Variants in GRIN3A observed in about 807,000 individuals in gnomAD.
GRIN3A encodes glutamate receptor ionotropic, NMDA 3A.
In GRIN3A, 47 loss-of-function variants were observed where a neutral mutation model predicts 92.4. The observed-to-expected ratio is 0.51, with a 90% confidence interval of 0.40 to 0.65. The LOEUF is 0.65. GRIN3A is among the 30% of genes least tolerant of loss of function. The pLI is 0.00. For synonymous variants in GRIN3A, 527 were observed against 540.6 expected (o/e 0.97, Z 0.35); for missense variants, 1,324 against 1,393.1 (o/e 0.95, Z 0.79).
chr9:101,724,729 T>G (rs1465624123), intron 1 of GRIN3A, among the ~76,000 whole-genome samples: 1 of 152,242 alleles, frequency 6.6e-6, no homozygotes, highest in African/African-American at 2.4e-5. Context: ...TGATTTTGCT[T>G]TCTCCTCATT....
intron 5 of GRIN3A, among the ~76,000 whole-genome samples, chr9:101,617,060 C>CGTG (rs1828467146): frequency 2.0e-5 from 3 of 150,086 alleles, no homozygotes; most frequent in Admixed American, 6.6e-5. Flanking sequence ...ATTAGCCGGG[C>CGTG]GTGGTGGCGG....
intron 6 of GRIN3A, among the ~76,000 whole-genome samples, chr9:101,585,197 C>A (rs1467169461): frequency 2.0e-5 from 3 of 152,210 alleles, no homozygotes; most frequent in African/African-American, 7.2e-5. Context: ...GTATCGGCAG[C>A]TTGGACGCCA....
intron 1 of GRIN3A, among the ~76,000 whole-genome samples, chr9:101,733,829 G>A (rs559314099): frequency 6.6e-6 from 1 of 152,242 alleles, no homozygotes; most frequent in South Asian, 2.1e-4. Context: ...TTCAACGAGA[G>A]TGTTGAAAAT....
intron 1 of GRIN3A, among the ~76,000 whole-genome samples, chr9:101,719,276 G>C (rs566789754): frequency 6.6e-6 from 1 of 152,178 alleles, no homozygotes; most frequent in Non-Finnish European, 1.5e-5. Flanking sequence ...AAAATTCGCC[G>C]GGTGTGGTGG....
At chr9:101,579,641 A>G (rs1588234752) in intron 6 of GRIN3A, among the ~76,000 whole-genome samples, 1 of 152,164 alleles carries the variant, frequency 6.6e-6, no homozygotes, top group East Asian at 1.9e-4. Context: ...TCTCTTGTCC[A>G]TGGGGACCCC....
At chr9:101,647,446 C>T (rs1490837891) in intron 3 of GRIN3A, among the ~76,000 whole-genome samples, 1 of 151,484 alleles carries the variant, frequency 6.6e-6, no homozygotes, top group African/African-American at 2.4e-5. Context: ...AAATATTGGC[C>T]TGTAATTTTC....
At chr9:101,667,567 C>T (rs891380869) in intron 3 of GRIN3A, among the ~76,000 whole-genome samples, 1 of 151,962 alleles carries the variant, frequency 6.6e-6, no homozygotes, top group African/African-American at 2.4e-5. Flanking sequence ...CAATTTGACT[C>T]ATTTACCTCT....
intron 1 of GRIN3A, among the ~76,000 whole-genome samples, chr9:101,736,224 C>A (rs1267673733): frequency 6.6e-6 from 1 of 152,196 alleles, no homozygotes; most frequent in Non-Finnish European, 1.5e-5. Flanking sequence ...ATCAAGTCCC[C>A]AGACTTTTCT....
intron 6 of GRIN3A, among the ~76,000 whole-genome samples, chr9:101,608,126 C>T (rs1828310666): frequency 1.3e-5 from 2 of 152,160 alleles, no homozygotes; most frequent in South Asian, 2.1e-4. Context: ...ATACAGCCGA[C>T]CACCATCCCT....
At chr9:101,688,341 C>T (rs1458768719) in intron 1 of GRIN3A, among the ~76,000 whole-genome samples, 1 of 152,152 alleles carries the variant, frequency 6.6e-6, no homozygotes, top group African/African-American at 2.4e-5. Context: ...GAGGACTCCA[C>T]AGAGGTTTAC....
intron 1 of GRIN3A, among the ~76,000 whole-genome samples, chr9:101,700,063 C>T (rs959928350): frequency 6.6e-6 from 1 of 152,168 alleles, no homozygotes; most frequent in Non-Finnish European, 1.5e-5. Context: ...ACCCTCTGTA[C>T]AACCCCCAAT....
intron 1 of GRIN3A, among the ~76,000 whole-genome samples, chr9:101,720,248 A>C (rs1460055753): frequency 6.6e-6 from 1 of 152,264 alleles, no homozygotes; most frequent in Admixed American, 6.5e-5. Flanking sequence ...AGATGTTTCA[A>C]TAACAATGCC....
At chr9:101,575,501 C>G (rs949831945) in intron 8 of GRIN3A, among the ~76,000 whole-genome samples, 1 of 152,028 alleles carries the variant, frequency 6.6e-6, no homozygotes, top group Non-Finnish European at 1.5e-5. Context: ...GAAAGATAGA[C>G]CAAAACCTTA....
intron 2 of GRIN3A, among the ~76,000 whole-genome samples, chr9:101,685,774 T>G (rs1365340019): frequency 6.6e-6 from 1 of 151,562 alleles, no homozygotes; most frequent in Non-Finnish European, 1.5e-5. Context: ...CTTATGGAAC[T>G]CTTAGTTCTA....
At chr9:101,595,225 C>A (rs1175269003) in intron 6 of GRIN3A, among the ~76,000 whole-genome samples, 1 of 152,036 alleles carries the variant, frequency 6.6e-6, no homozygotes, top group East Asian at 1.9e-4. Flanking sequence ...AGGTGGAAAG[C>A]TGGGCTGCCC....
At chr9:101,709,306 A>G (rs1235302015) in intron 1 of GRIN3A, among the ~76,000 whole-genome samples, 1 of 152,212 alleles carries the variant, frequency 6.6e-6, no homozygotes, top group Non-Finnish European at 1.5e-5. Flanking sequence ...GATGATAATA[A>G]ATACAGTTTC....
chr9:101,670,026 C>T (rs779752017), intron 3 of GRIN3A, 34 bp downstream of exon 3: 1 of 1,435,802 alleles, frequency 7.0e-7, no homozygotes, highest in East Asian at 2.3e-5. Flanking sequence ...TTATAATGGA[C>T]AATCAAGAAA....
chr9:101,732,143 T>G (rs900738224), intron 1 of GRIN3A, among the ~76,000 whole-genome samples: 2 of 152,166 alleles, frequency 1.3e-5, no homozygotes, highest in Non-Finnish European at 2.9e-5. Flanking sequence ...TCTAGGGCAA[T>G]GGGACTCAAA....
At chr9:101,732,028 G>C (rs1171099036) in intron 1 of GRIN3A, among the ~76,000 whole-genome samples, 1 of 152,166 alleles carries the variant, frequency 6.6e-6, no homozygotes, top group Non-Finnish European at 1.5e-5. Flanking sequence ...GTGTATATGT[G>C]GCAATAGCCA....
Sources: gnomAD v4.1 joint callset for allele counts (sites outside exome capture counted in the v4.1 genomes callset) on GRCh38, gnomAD v4.1.1 for gene constraint, MANE v1.5 for transcripts, NCBI Gene and HGNC (gene_info 2026-07-23, HGNC 2026-07-21) for gene names.